Variants in CDCP1 observed in about 807,000 individuals in gnomAD.
CDCP1 encodes the protein CUB domain-containing protein 1.
CDCP1 carries 29 observed loss-of-function variants against 60.2 expected under a neutral mutation model. That is an observed-to-expected ratio of 0.48 (90% confidence interval 0.36 to 0.66). The LOEUF is 0.66. Among genes scored for constraint, CDCP1 ranks in the 30% least tolerant of loss-of-function variants. The pLI is 0.00. For missense variants in CDCP1, 876 were observed against 1,074.3 expected, an observed-to-expected ratio of 0.82 and a Z score of 2.58; for synonymous variants, 387 against 431.1, an observed-to-expected ratio of 0.90 and a Z score of 1.27.
rs985851608 is a variant in CDCP1 at position 45,083,562 on chromosome 3, G to A, written c.*2076C>T. 4 of 152,166 alleles carry A rather than the reference G, an allele frequency of 2.6e-5. No homozygotes were observed. The highest frequency in any genetic ancestry group is 4.4e-5 in the Non-Finnish European group (3 of 68,050). The allele number at this position is 152,166 out of a possible 1,614,324, so 9.4% of individuals were successfully genotyped here. A position where few individuals can be genotyped will look rare whatever the true frequency, so the allele number is the denominator to read the frequency against. On this transcript the variant is annotated 3_prime_UTR_variant, in exon 9 of 9. Transcript: ENST00000296129. ...ACATAATCCCTCTCCTTCCAGATCAGAGCAGGGGTGAGGAAGCAAAAGTCC... is the reference window on the plus strand; with the variant it reads ...ACATAATCCCTCTCCTTCCAGATCAAAGCAGGGGTGAGGAAGCAAAAGTCC...
intron 8 of CDCP1, among the ~76,000 whole-genome samples, chr3:45,088,552 C>T (rs374566556): frequency 2.0e-5 from 3 of 152,212 alleles, no homozygotes; most frequent in African/African-American, 7.2e-5. Flanking sequence ...GTTAACTGGG[C>T]CTTCCTTCCT....
chr3:45,119,578 C>A (rs13325398), intron 1 of CDCP1, among the ~76,000 whole-genome samples: 24,801 of 152,126 alleles, frequency 0.16, 2,065 homozygotes, highest in Middle Eastern at 0.27. Context: ...AACAGCTGGT[C>A]GGGATCTGTT....
At chr3:45,142,913 T>C (rs1462909735) in intron 1 of CDCP1, among the ~76,000 whole-genome samples, 1 of 152,324 alleles carries the variant, frequency 6.6e-6, no homozygotes, top group Admixed American at 6.5e-5. Flanking sequence ...TAGTTAAGAA[T>C]GTTCAGAACA....
At chr3:45,110,862 A>AC (rs766253075) in intron 3 of CDCP1, 21 bp from the exon 4 acceptor site, 1 of 1,594,652 alleles carries the variant, frequency 6.3e-7, no homozygotes. Flanking sequence ...TGGAACCCAA[A>AC]CCAGAAAGAA....
chr3:45,089,996 GC>G (rs1426269817), intron 7 of CDCP1, among the ~76,000 whole-genome samples: 1 of 152,228 alleles, frequency 6.6e-6, no homozygotes, highest in Non-Finnish European at 1.5e-5. Context: ...AGAATGTCTT[GC>G]TTATTCACCA....
chr3:45,085,444 T>A lies in CDCP1; in HGVS notation c.*194A>T. 1.1e-5 allele frequency: 7 copies of A among 609,260 alleles called. No homozygotes were observed. In the South Asian group the frequency reaches 1.4e-4, roughly 12 times the overall value. The allele number at this position is 609,260 out of a possible 1,614,324, so 37.7% of individuals were successfully genotyped here. A position where few individuals can be genotyped will look rare whatever the true frequency, so the allele number is the denominator to read the frequency against. On this transcript the variant is annotated 3_prime_UTR_variant, in exon 9 of 9. Transcript: ENST00000296129. This position sits in a 1 kb window ranked among gnomAD's most constrained non-coding sequence, Gnocchi z 4.2. ...TGAGCTGTCATGACTGTATCCAGAT[T>A]GGAATTCATCATTTTCAATGTCTTG...
At chr3:45,142,261 T>C (rs1699303305) in intron 1 of CDCP1, among the ~76,000 whole-genome samples, 1 of 151,884 alleles carries the variant, frequency 6.6e-6, no homozygotes, top group Non-Finnish European at 1.5e-5. Context: ...ACCAGCAGAC[T>C]CCTCTCCCTA....
At chr3:45,110,420 G>A (rs1316999226) in intron 4 of CDCP1, 53 bp downstream of exon 4, 2 of 1,592,058 alleles carry the variant, frequency 1.3e-6, no homozygotes, top group South Asian at 1.1e-5. Flanking sequence ...GACTACCCAG[G>A]AAACAACGAA....
chr3:45,088,999 T>C, intron 8 of CDCP1, 55 bp downstream of exon 8: 1 of 1,331,486 alleles, frequency 7.5e-7, no homozygotes, highest in Non-Finnish European at 1.1e-6. Context: ...CCACCCAGTC[T>C]GTGTGATCTG....
intron 1 of CDCP1, 82 bp from the exon 2 acceptor site, chr3:45,118,703 G>A: frequency 9.3e-7 from 1 of 1,074,646 alleles, no homozygotes; most frequent in Non-Finnish European, 1.4e-6. Context: ...ATCTGGTTCA[G>A]AGAGGATGTC....
chr3:45,109,097 G>A (rs749558616), intron 4 of CDCP1, among the ~76,000 whole-genome samples: 47 of 150,844 alleles, frequency 3.1e-4, no homozygotes, highest in Middle Eastern at 3.2e-3. Flanking sequence ...TTACAGGTGC[G>A]CGCCATCATG....
chr3:45,146,446 C>T, upstream of CDCP1: 1 of 533,712 alleles, frequency 1.9e-6, no homozygotes, highest in Non-Finnish European at 3.2e-6. Context: ...CGCGAGCTGA[C>T]CCGGTGCGTC....
chr3:45,108,380 C>G (rs528841444), intron 4 of CDCP1, among the ~76,000 whole-genome samples: 1 of 152,158 alleles, frequency 6.6e-6, no homozygotes, highest in Non-Finnish European at 1.5e-5. Flanking sequence ...CACCTCTCAA[C>G]GGCAGTTATT....
chr3:45,096,673 A>G (rs1022147523), intron 4 of CDCP1, among the ~76,000 whole-genome samples: 1 of 151,912 alleles, frequency 6.6e-6, no homozygotes, highest in Non-Finnish European at 1.5e-5. Context: ...ACCTAAATAT[A>G]AATATTGAGC....
chr3:45,146,117 C>T, intron 1 of CDCP1, 89 bp downstream of exon 1: 1 of 1,235,938 alleles, frequency 8.1e-7, no homozygotes, highest in African/African-American at 1.6e-5. Context: ...CCTCCGCACC[C>T]TGCGTCCCTC....
At chr3:45,128,566 T>A (rs902972286) in intron 1 of CDCP1, among the ~76,000 whole-genome samples, 1 of 152,230 alleles carries the variant, frequency 6.6e-6, no homozygotes, top group African/African-American at 2.4e-5. Flanking sequence ...AATAGCAACG[T>A]TGAAAAGAAC....
In CDCP1 at chr3:45,112,083, G is replaced by T; in HGVS notation, c.655C>A (p.Arg219Ser). The T allele has an allele frequency of 6.2e-7, 1 of 1,611,528 alleles. No homozygotes were observed. Among genetic ancestry groups the T allele is most frequent in the Non-Finnish European group, 8.5e-7 (1 of 1,178,228 alleles). Reference sequence around the variant, plus strand: ...AGATAGCAGGGAGGGGCTTTCTCACGTTTTATAGATGAGCGGTTTGCAATG... The same window carrying T: ...AGATAGCAGGGAGGGGCTTTCTCACTTTTTATAGATGAGCGGTTTGCAATG... ...FSIANRSSIK[R>S]LCIIESVFEG... The change falls in exon 3 of 9, where the codon CGT (arginine) becomes AGT (serine). Residue 219 changes from arginine (R) to serine (S), a missense_variant and splice_region_variant. Around this residue, in one of 2 missense-constraint regions of CDCP1, gnomAD observed 726 missense variants for 935.7 expected, o/e 0.78. Transcript: ENST00000296129.
At chr3:45,099,771 C>T (rs1698459576) in intron 4 of CDCP1, among the ~76,000 whole-genome samples, 1 of 151,900 alleles carries the variant, frequency 6.6e-6, no homozygotes, top group Non-Finnish European at 1.5e-5. Context: ...TATTTTTAAT[C>T]TCCAAGAGTT....
chr3:45,118,710 T>C, intron 1 of CDCP1, 89 bp from the exon 2 acceptor site: 2 of 971,642 alleles, frequency 2.1e-6, no homozygotes, highest in Non-Finnish European at 3.2e-6. Flanking sequence ...TCAGAGAGGA[T>C]GTCCTCTATG....
Sources: gnomAD v4.1 joint callset for allele counts (sites outside exome capture counted in the v4.1 genomes callset) on GRCh38, gnomAD v4.1.1 for gene constraint, gnomAD v4.1.1 regional missense constraint, Gnocchi (gnomAD v3.1) non-coding constraint, MANE v1.5 for transcripts, NCBI Gene and HGNC (gene_info 2026-07-23, HGNC 2026-07-21) for gene names.